Variants in RNF150 observed in about 807,000 individuals in gnomAD.
RNF150 encodes the protein ring finger protein 150.
A neutral mutation model predicts 39.3 loss-of-function variants in RNF150; 24 were observed. The observed-to-expected ratio is 0.61, with a 90% confidence interval of 0.44 to 0.86. The LOEUF (loss-of-function observed/expected upper bound fraction) is 0.86. Among genes scored for constraint, RNF150 ranks in the 40% least tolerant of loss-of-function variants. The pLI, the probability that RNF150 is intolerant of heterozygous loss-of-function variation, is 0.00. For missense variants in RNF150, 502 were observed against 587.8 expected (o/e 0.85, Z 1.51); for synonymous variants, 255 against 227.3 (o/e 1.12, Z -1.10).
rs61543533 is a variant in RNF150, at chr4:141,027,926, GTTTT to G, written c.485-60057_485-60054del. ...GCTTGGAATTTGTTTTTTTTTTTTT[GTTTT>G]TTTTTTTTTTTTTTTTTTTTTTCAA... On this transcript the variant is annotated intron_variant, in intron 1 of 6. Coordinates refer to ENST00000515673, the MANE Select transcript of RNF150 (RefSeq NM_020724.2). Among the ~76,000 whole-genome samples, 300 of 69,156 alleles carry G rather than the reference GTTTT, an allele frequency of 4.3e-3. 10 individuals carry two copies. Among genetic ancestry groups the G allele is most frequent in the Admixed American group, 9.2e-3 (42 of 4,552 alleles). 45.4% of individuals were successfully genotyped at this position (69,156 alleles called of 152,430 possible).
chr4:141,033,399 T>A (rs1456447574), intron 1 of RNF150, among the ~76,000 whole-genome samples: 1 of 152,172 alleles, frequency 6.6e-6, no homozygotes, highest in African/African-American at 2.4e-5. Flanking sequence ...TATTTCCACA[T>A]CTGCAGTGAC....
At chr4:140,941,255 T>C (rs1466197706) in intron 4 of RNF150, among the ~76,000 whole-genome samples, 1 of 152,102 alleles carries the variant, frequency 6.6e-6, no homozygotes, top group African/African-American at 2.4e-5. Context: ...AATACAGTTA[T>C]TCCCACACAT....
intron 6 of RNF150, among the ~76,000 whole-genome samples, chr4:140,888,204 G>C (rs1016338881): frequency 6.6e-6 from 1 of 152,184 alleles, no homozygotes; most frequent in Non-Finnish European, 1.5e-5. Flanking sequence ...GGATGGGGAG[G>C]AGGGGATGGC....
chr4:140,872,252 T>G (rs1728977342), intron 6 of RNF150, among the ~76,000 whole-genome samples: 1 of 152,250 alleles, frequency 6.6e-6, no homozygotes, highest in Admixed American at 6.5e-5. Flanking sequence ...AAATGTCGAC[T>G]GAATTTGCCT....
chr4:140,967,561 A>T, intron 2 of RNF150, 62 bp downstream of exon 2: 2 of 1,464,282 alleles, frequency 1.4e-6, no homozygotes, highest in Non-Finnish European at 1.8e-6. Flanking sequence ...TGTCATGTTC[A>T]AAGATGTTTA....
intron 1 of RNF150, among the ~76,000 whole-genome samples, chr4:141,110,632 C>T (rs1739358088): frequency 6.7e-6 from 1 of 148,426 alleles, no homozygotes; most frequent in South Asian, 2.1e-4. Context: ...AGGATAGTCT[C>T]AAACTCCTGA....
intron 1 of RNF150, among the ~76,000 whole-genome samples, chr4:141,047,473 T>C (rs545909109): frequency 6.6e-6 from 1 of 152,126 alleles, no homozygotes; most frequent in Non-Finnish European, 1.5e-5. Flanking sequence ...TGGTGACTCA[T>C]AGGATAAACT....
intron 1 of RNF150, among the ~76,000 whole-genome samples, chr4:141,184,531 C>CT (rs1030626198): frequency 2.6e-5 from 4 of 152,176 alleles, no homozygotes; most frequent in South Asian, 2.1e-4. Context: ...TCAATTTTGG[C>CT]TTTTTTTGCA....
chr4:140,946,220 G>C (rs1216553781), intron 4 of RNF150, among the ~76,000 whole-genome samples: 1 of 152,148 alleles, frequency 6.6e-6, no homozygotes, highest in African/African-American at 2.4e-5. Flanking sequence ...TTTTCCTAAT[G>C]ATCAATTTGC....
chr4:140,899,817 T>C (rs1243177937), intron 6 of RNF150, among the ~76,000 whole-genome samples: 1 of 120,896 alleles, frequency 8.3e-6, no homozygotes, highest in Non-Finnish European at 1.8e-5. Context: ...CTCCAGAAGT[T>C]TTCCCTGAAA....
chr4:141,192,302 G>A (rs1241820041), intron 1 of RNF150, among the ~76,000 whole-genome samples: 9 of 152,112 alleles, frequency 5.9e-5, no homozygotes, highest in Non-Finnish European at 1.2e-4. Context: ...TAGAGAGTCA[G>A]GTACTCAAAA....
chr4:140,954,920 A>C (rs1344280864), intron 2 of RNF150, among the ~76,000 whole-genome samples: 1 of 152,176 alleles, frequency 6.6e-6, no homozygotes, highest in African/African-American at 2.4e-5. Flanking sequence ...ATTTCATTGG[A>C]TAATTCTGTA....
At position 141,048,510 on chromosome 4, in the gene RNF150, T is replaced by C. The variant is rs544558715; in HGVS notation, c.485-80637A>G. Among the ~76,000 whole-genome samples, 4 of 152,252 alleles carry C rather than the reference T, an allele frequency of 2.6e-5. No individual in the cohort carries two copies. The South Asian group carries it at 8.3e-4, about 32-fold the overall frequency. On this transcript the variant is annotated intron_variant, in intron 1 of 6. Transcript: ENST00000515673. ...CTTTGGGAGAACAAGGCGGGAGGAC[T>C]GCATGAGGCTAAGAGTTTGAGACCA...
chr4:140,931,029 G>C (rs1480091604), intron 4 of RNF150, among the ~76,000 whole-genome samples: 1 of 151,976 alleles, frequency 6.6e-6, no homozygotes, highest in Non-Finnish European at 1.5e-5. Context: ...TTGTCTTATA[G>C]GTATGGGCTT....
intron 6 of RNF150, among the ~76,000 whole-genome samples, chr4:140,876,096 A>G (rs1193577651): frequency 1.3e-5 from 2 of 152,216 alleles, no homozygotes; most frequent in Non-Finnish European, 2.9e-5. Flanking sequence ...TCTGCATTAC[A>G]CAAAAGCTTA....
chr4:141,112,371 T>C (rs1278825817), intron 1 of RNF150, among the ~76,000 whole-genome samples: 1 of 152,226 alleles, frequency 6.6e-6, no homozygotes, highest in African/African-American at 2.4e-5. Flanking sequence ...TACCAGTTTT[T>C]CCTTTCCATA....
At chr4:141,190,131 C>T (rs913536791) in intron 1 of RNF150, among the ~76,000 whole-genome samples, 3 of 152,298 alleles carry the variant, frequency 2.0e-5, no homozygotes, top group Admixed American at 6.5e-5. Context: ...CCCCACCCTG[C>T]TCTGCTTGCC....
At chr4:141,161,199 T>A (rs527448443) in intron 1 of RNF150, among the ~76,000 whole-genome samples, 2 of 152,248 alleles carry the variant, frequency 1.3e-5, no homozygotes, top group East Asian at 3.9e-4. Flanking sequence ...TATTGAGAAC[T>A]CAAGTAAAGA....
chr4:141,050,753 A>G (rs1475543891), intron 1 of RNF150, among the ~76,000 whole-genome samples: 1 of 152,144 alleles, frequency 6.6e-6, no homozygotes, highest in African/African-American at 2.4e-5. Flanking sequence ...CCTCCTGGCT[A>G]CTTTCACTGG....
Sources: allele counts gnomAD v4.1 joint callset (sites outside exome capture counted in the v4.1 genomes callset), GRCh38; gene constraint gnomAD v4.1.1; transcripts MANE v1.5; gene names NCBI Gene and HGNC (gene_info 2026-07-23, HGNC 2026-07-21).